Variants in PARD3B observed in about 807,000 individuals in gnomAD.
The protein encoded by PARD3B is partitioning defective 3 homolog B.
A neutral mutation model predicts 130.2 loss-of-function variants in PARD3B; 103 were observed. The observed-to-expected ratio is 0.79, with a 90% confidence interval of 0.67 to 0.93. The LOEUF is 0.93. Ranked by LOEUF, PARD3B falls within the 40% of genes least tolerant of loss-of-function variation. The pLI is 0.00. For synonymous variants in PARD3B, 583 were observed against 553.2 expected (o/e 1.05, Z -0.76); for missense variants, 1,609 against 1,499.2 (o/e 1.07, Z -1.21).
chr2:204,839,610 T>C (rs1185363422), intron 2 of PARD3B, among the ~76,000 whole-genome samples: 2 of 152,152 alleles, frequency 1.3e-5, no homozygotes, highest in Non-Finnish European at 2.9e-5. Context: ...ATCTTTCTCT[T>C]CTCCACATCC....
rs5837948 is a variant in PARD3B, at chr2:205,018,722, C to CAAAAAAAAAAAAAAAAAA, written c.395-28848_395-28831dup. The stretch of plus-strand genomic sequence containing the variant: ...TACAAATTTGATTTAGCAGTATAAG[C>CAAAAAAAAAAAAAAAAAA]AAAAAAAAAAAAAAAAAAAAAAAAA... On this transcript the variant is annotated intron_variant, in intron 3 of 22. Coordinates refer to ENST00000406610, the MANE Select transcript of PARD3B (RefSeq NM_001302769.2). Among the ~76,000 whole-genome samples the CAAAAAAAAAAAAAAAAAA allele has an allele frequency of 2.5e-4, 11 of 43,160 alleles. 2 individuals carry two copies. Among genetic ancestry groups the CAAAAAAAAAAAAAAAAAA allele is most frequent in the African/African-American group, 7.8e-4 (8 of 10,310 alleles). The allele number at this position is 43,160 out of a possible 152,430, so 28.3% of individuals were successfully genotyped here.
chr2:205,335,211 A>C (rs1445352399), intron 18 of PARD3B, among the ~76,000 whole-genome samples: 1 of 152,198 alleles, frequency 6.6e-6, no homozygotes, highest in Non-Finnish European at 1.5e-5. Context: ...ATTAGTAGCC[A>C]TGCCACTAAA....
chr2:204,577,520 T>C (rs911518014), intron 1 of PARD3B, among the ~76,000 whole-genome samples: 1 of 152,170 alleles, frequency 6.6e-6, no homozygotes, highest in Admixed American at 6.5e-5. Flanking sequence ...GCTTCAGTAC[T>C]TTCTCTTAGA....
At chr2:205,097,828 GGCGTGTGT>G (rs944656252) in intron 4 of PARD3B, among the ~76,000 whole-genome samples, 8 of 20,580 alleles carry the variant, frequency 3.9e-4, no homozygotes, top group Admixed American at 1.6e-3. Context: ...AAAATCTAGT[GGCGTGTGT>G]GTGTGTGTGT....
Position 205,473,889 on chromosome 2 carries a change from C to T in PARD3B, c.3045-26007C>T, listed in dbSNP as rs2106266640. ...AGCTACCAAATTATACTTTTGCAAG[C>T]TTGATCTTCAACCTCACTTATGTCC... On this transcript the variant is annotated intron_variant, in intron 20 of 22. Transcript: ENST00000406610. The surrounding 1 kb of genome is among the most constrained non-coding windows in gnomAD (Gnocchi z 4.9). Among the ~76,000 whole-genome samples the T allele has an allele frequency of 6.7e-6, 1 of 148,908 alleles. No homozygotes were observed. Among genetic ancestry groups the T allele is most frequent in the East Asian group, 1.9e-4 (1 of 5,170 alleles).
intron 12 of PARD3B, among the ~76,000 whole-genome samples, chr2:205,174,092 C>G (rs540039015): frequency 6.6e-6 from 1 of 152,290 alleles, no homozygotes; most frequent in South Asian, 2.1e-4. Flanking sequence ...TAGATGACAG[C>G]AGATAGGCGT....
chr2:205,127,405 T>C (rs565020606), intron 10 of PARD3B, among the ~76,000 whole-genome samples: 1 of 152,268 alleles, frequency 6.6e-6, no homozygotes, highest in East Asian at 1.9e-4. Context: ...CTCCTTGTTA[T>C]TTCCTTTGAA....
At chr2:205,471,190 T>C (rs918541357) in intron 20 of PARD3B, among the ~76,000 whole-genome samples, 8 of 152,254 alleles carry the variant, frequency 5.3e-5, no homozygotes, top group African/African-American at 1.7e-4. Context: ...TGTAGATCCA[T>C]AGGTAGACAC....
chr2:204,789,972 G>A (rs773013372), intron 2 of PARD3B, among the ~76,000 whole-genome samples: 48 of 151,642 alleles, frequency 3.2e-4, no homozygotes, highest in Admixed American at 7.9e-4. Flanking sequence ...CCGGGTTCAC[G>A]CCATTCTCCT....
chr2:204,880,454 G>C (rs1002429318), intron 2 of PARD3B, among the ~76,000 whole-genome samples: 3 of 152,036 alleles, frequency 2.0e-5, no homozygotes, highest in African/African-American at 7.2e-5. Context: ...GAGGTCAGGA[G>C]ATCGAGACCA....
At chr2:205,190,661 G>T (rs182746380) in intron 14 of PARD3B, among the ~76,000 whole-genome samples, 2 of 152,224 alleles carry the variant, frequency 1.3e-5, no homozygotes, top group African/African-American at 2.4e-5. Flanking sequence ...GAGCCTCAGG[G>T]TCTTATCTGA....
chr2:204,762,450 G>T (rs1045564191), intron 2 of PARD3B, among the ~76,000 whole-genome samples: 2 of 152,102 alleles, frequency 1.3e-5, no homozygotes, highest in Non-Finnish European at 2.9e-5. Flanking sequence ...TCTAAAGCTA[G>T]ATCAGATAAA....
chr2:205,523,773 T>C (rs2051201537), intron 21 of PARD3B, among the ~76,000 whole-genome samples: 2 of 151,234 alleles, frequency 1.3e-5, no homozygotes, highest in Non-Finnish European at 2.9e-5. Context: ...CTATGACAGC[T>C]CCATTGCTCA....
At chr2:204,713,195 C>G (rs538955402) in intron 2 of PARD3B, among the ~76,000 whole-genome samples, 1 of 152,076 alleles carries the variant, frequency 6.6e-6, no homozygotes, top group South Asian at 2.1e-4. Flanking sequence ...GAATGTATAT[C>G]TAGGCTAGAA....
chr2:205,346,641 A>G (rs931042322), intron 18 of PARD3B, among the ~76,000 whole-genome samples: 5 of 152,084 alleles, frequency 3.3e-5, no homozygotes, highest in Non-Finnish European at 7.4e-5. Context: ...CATCCTTCAT[A>G]TGGTCACCTT....
chr2:205,077,367 C>G (rs540802399), intron 4 of PARD3B, among the ~76,000 whole-genome samples: 13 of 152,274 alleles, frequency 8.5e-5, no homozygotes, highest in South Asian at 4.1e-4. Context: ...TCTCAAGTTT[C>G]ATGGCTCAAG....
intron 4 of PARD3B, among the ~76,000 whole-genome samples, chr2:205,101,350 G>C (rs956971123): frequency 3.3e-4 from 50 of 152,234 alleles, no homozygotes; most frequent in African/African-American, 1.2e-3. Context: ...TACCCATTAG[G>C]ATGAATAAAA....
At position 205,300,974 on chromosome 2, in the gene PARD3B, C is replaced by T. The variant is rs554402514; in HGVS notation, c.2392+238C>T. On this transcript the variant is annotated intron_variant, in intron 17 of 22. Transcript: ENST00000406610. This position sits in a 1 kb window ranked among gnomAD's most constrained non-coding sequence, Gnocchi z 4.1. Reference sequence around the variant, plus strand: ...AAGGCTAAATAAATGTTCTCCTTCACTTTTCTACAAGGACCAACTGTCATT... The same window carrying T: ...AAGGCTAAATAAATGTTCTCCTTCATTTTTCTACAAGGACCAACTGTCATT... Among the ~76,000 whole-genome samples the T allele has an allele frequency of 6.6e-6, 1 of 152,340 alleles. No individual in the cohort carries two copies. Among genetic ancestry groups the T allele is most frequent in the African/African-American group, 2.4e-5 (1 of 41,582 alleles).
intron 20 of PARD3B, among the ~76,000 whole-genome samples, chr2:205,471,568 A>T (rs2048836709): frequency 6.6e-6 from 1 of 151,794 alleles, no homozygotes; most frequent in African/African-American, 2.4e-5. Context: ...TCATCATGTT[A>T]GCCAGGCTGG....
Sources: allele counts gnomAD v4.1 joint callset (sites outside exome capture counted in the v4.1 genomes callset), GRCh38; gene constraint gnomAD v4.1.1; non-coding constraint Gnocchi (gnomAD v3.1); transcripts MANE v1.5; gene names NCBI Gene and HGNC (gene_info 2026-07-23, HGNC 2026-07-21).